CNPY1: variants seen among roughly 807,000 people sequenced by gnomAD.
CNPY1 encodes the protein protein canopy homolog 1.
CNPY1 carries 14 observed loss-of-function variants against 14.4 expected under a neutral mutation model. That is an observed-to-expected ratio of 0.97 (90% CI 0.64 to 1.52). The LOEUF (loss-of-function observed/expected upper bound fraction) is 1.52, where lower values mean the gene tolerates loss of function less well. Among genes scored for constraint, CNPY1 ranks in the 40% most tolerant of loss-of-function variants. CNPY1 has a pLI of 0.00. For missense variants in CNPY1, 129 were observed against 131.5 expected (o/e 0.98, Z 0.09); for synonymous variants, 43 against 46.5 (o/e 0.92, Z 0.31).
At chr7:155,514,162 G>A (rs1354861592) in intron 2 of CNPY1, among the ~76,000 whole-genome samples, 1 of 152,222 alleles carries the variant, frequency 6.6e-6, no homozygotes, top group Non-Finnish European at 1.5e-5. Context: ...GGAGCATGAT[G>A]CGAATGTGTT....
intron 2 of CNPY1, among the ~76,000 whole-genome samples, chr7:155,543,102 C>T (rs1797106252): frequency 6.6e-6 from 1 of 152,178 alleles, no homozygotes; most frequent in African/African-American, 2.4e-5. Flanking sequence ...TCAGCACCCT[C>T]AGCTCTGAAG....
chr7:155,534,539 G>A (rs1797000121), intron 2 of CNPY1, among the ~76,000 whole-genome samples: 1 of 152,228 alleles, frequency 6.6e-6, no homozygotes, highest in Admixed American at 6.5e-5. Context: ...GCCTTAGCAT[G>A]TGGGACTGAC....
At chr7:155,545,146 C>A (rs760634376) in intron 2 of CNPY1, among the ~76,000 whole-genome samples, 38 of 152,214 alleles carry the variant, frequency 2.5e-4, no homozygotes, top group Non-Finnish European at 4.6e-4. Flanking sequence ...TTCTGTTTAG[C>A]TTTGAGTGAG....
intron 2 of CNPY1, among the ~76,000 whole-genome samples, chr7:155,534,769 G>T (rs1475618889): frequency 6.6e-6 from 1 of 152,242 alleles, no homozygotes; most frequent in Admixed American, 6.5e-5. Flanking sequence ...CCACAGTCAG[G>T]CCACAACTAA....
intron 2 of CNPY1, among the ~76,000 whole-genome samples, chr7:155,514,179 T>C (rs73732795): frequency 1.5e-3 from 231 of 152,346 alleles, no homozygotes; most frequent in African/African-American, 5.2e-3. Flanking sequence ...TGTTCATTCA[T>C]TCAACAAATA....
At chr7:155,545,415 G>A (rs1195457421) in intron 2 of CNPY1, among the ~76,000 whole-genome samples, 1 of 152,186 alleles carries the variant, frequency 6.6e-6, no homozygotes, top group African/African-American at 2.4e-5. Context: ...TCCAGAAAGT[G>A]CGTCTTACAA....
Position 155,509,066 on chromosome 7 carries a change from G to C in CNPY1, c.131C>G (p.Thr44Arg). ...IPLAQSEAFL[T>R]DLLEKVCERM... ...CTCACAGACTTTCTCCAAAAGATCC[G>C]TTAGGAACGCCTCCGACTGAGCTAG... is the stretch of plus-strand genomic sequence containing the variant. Residue 44 changes from threonine (T) to arginine (R), a missense_variant, in exon 3 of 5, where the codon ACG (threonine) becomes AGG (arginine). Physicochemically the swap from Thr to Arg is moderately conservative, Grantham distance 71. Coordinates refer to ENST00000636446, the MANE Select transcript of CNPY1 (RefSeq NM_001393663.1). The C allele has an allele frequency of 6.2e-7, 1 of 1,604,336 alleles. No homozygotes were observed. The highest frequency in any genetic ancestry group is 8.5e-7 in the Non-Finnish European group (1 of 1,177,114).
At chr7:155,520,594 T>TTA (rs1796703106) in intron 2 of CNPY1, among the ~76,000 whole-genome samples, 1 of 152,084 alleles carries the variant, frequency 6.6e-6, no homozygotes, top group African/African-American at 2.4e-5. Context: ...TTGTCTCTTT[T>TTA]AAGTCCTTCA....
chr7:155,524,150 A>C (rs1349369972), intron 2 of CNPY1, among the ~76,000 whole-genome samples: 1 of 152,258 alleles, frequency 6.6e-6, no homozygotes, highest in Non-Finnish European at 1.5e-5. Context: ...CGGAGGTGCT[A>C]ACGGAAGTCT....
At chr7:155,524,568 G>T (rs750153650) in intron 2 of CNPY1, among the ~76,000 whole-genome samples, 1 of 152,152 alleles carries the variant, frequency 6.6e-6, no homozygotes, top group Non-Finnish European at 1.5e-5. Flanking sequence ...CAGGTTGTGG[G>T]CTCCCTATGA....
intron 2 of CNPY1, among the ~76,000 whole-genome samples, chr7:155,543,059 C>G (rs2116761188): frequency 6.6e-6 from 1 of 152,344 alleles, no homozygotes; most frequent in East Asian, 1.9e-4. Context: ...ACCCCTCCCA[C>G]AGAGGAACAG....
intron 2 of CNPY1, among the ~76,000 whole-genome samples, chr7:155,516,896 G>T (rs1796632651): frequency 2.0e-5 from 3 of 152,180 alleles, no homozygotes; most frequent in Non-Finnish European, 4.4e-5. Context: ...AGCTGTCGTG[G>T]GCGTTGCCTC....
intron 4 of CNPY1, among the ~76,000 whole-genome samples, chr7:155,504,102 A>T (rs2116654421): frequency 6.6e-6 from 1 of 152,306 alleles, no homozygotes; most frequent in East Asian, 1.9e-4. Context: ...AAAAAAAGAG[A>T]TTATCTGAGG....
chr7:155,507,006 A>C lies in CNPY1; in HGVS notation c.400+14T>G. ...TGTGCGAGCAGCGAGCACATGTTAC[A>C]TCAGACACAGTACCTGATTTTTCAC... On this transcript the variant is annotated intron_variant, in intron 4 of 4. Transcript: ENST00000636446. The C allele has an allele frequency of 1.3e-6, 2 of 1,556,802 alleles. No individual in the cohort carries two copies. Among genetic ancestry groups the C allele is most frequent in the Non-Finnish European group, 1.8e-6 (2 of 1,128,580 alleles).
chr7:155,542,478 A>G (rs1421801757), intron 2 of CNPY1, among the ~76,000 whole-genome samples: 1 of 152,114 alleles, frequency 6.6e-6, no homozygotes, highest in African/African-American at 2.4e-5. Context: ...AAGCTTCCTG[A>G]CTGATGCTGG....
chr7:155,532,596 G>A (rs890808596), intron 2 of CNPY1, among the ~76,000 whole-genome samples: 19 of 151,280 alleles, frequency 1.3e-4, no homozygotes, highest in Non-Finnish European at 2.4e-4. Flanking sequence ...ACTCCAGCCT[G>A]GGCGAGAGTG....
chr7:155,515,786 T>C (rs1379034889), intron 2 of CNPY1, among the ~76,000 whole-genome samples: 1 of 152,212 alleles, frequency 6.6e-6, no homozygotes, highest in Non-Finnish European at 1.5e-5. Flanking sequence ...GCGTTCATTT[T>C]CTGGTTCCCA....
At chr7:155,535,896 G>A (rs905458894) in intron 2 of CNPY1, among the ~76,000 whole-genome samples, 1 of 152,202 alleles carries the variant, frequency 6.6e-6, no homozygotes, top group Non-Finnish European at 1.5e-5. Context: ...AGGATTTTCT[G>A]GAGAAGACTA....
intron 2 of CNPY1, among the ~76,000 whole-genome samples, chr7:155,544,983 C>T (rs1797141624): frequency 6.6e-6 from 1 of 152,202 alleles, no homozygotes; most frequent in Non-Finnish European, 1.5e-5. Context: ...AACCACGGCA[C>T]CTGTCTGTGA....
Sources: allele counts gnomAD v4.1 joint callset (sites outside exome capture counted in the v4.1 genomes callset), GRCh38; gene constraint gnomAD v4.1.1; transcripts MANE v1.5; gene names NCBI Gene and HGNC (gene_info 2026-07-23, HGNC 2026-07-21).